ADGRB3: variants seen among roughly 807,000 people sequenced by gnomAD.
ADGRB3 encodes the protein adhesion G protein-coupled receptor B3, also known as brain-specific angiogenesis inhibitor 3.
Under a neutral mutation model 193.4 loss-of-function variants are expected in ADGRB3, and 37 were observed. The ratio of observed to expected loss-of-function variants is 0.19; its 90% confidence interval spans 0.15 to 0.25. ADGRB3 has a LOEUF of 0.25. Among genes scored for constraint, ADGRB3 ranks in the 10% least tolerant of loss-of-function variants. ADGRB3 has a pLI of 1.00. For synonymous variants in ADGRB3, 690 were observed against 644.2 expected, an observed-to-expected ratio of 1.07 and a Z score of -1.08; for missense variants, 1,637 against 1,852.9, an observed-to-expected ratio of 0.88 and a Z score of 2.14.
At chr6:68,905,422 A>C (rs1045120735) in intron 3 of ADGRB3, among the ~76,000 whole-genome samples, 4 of 152,182 alleles carry the variant, frequency 2.6e-5, no homozygotes, top group Non-Finnish European at 5.9e-5. Context: ...TTTATTTTCT[A>C]TCCATCGGGA....
chr6:68,741,700 C>CGGTA (rs1765985840), intron 3 of ADGRB3, among the ~76,000 whole-genome samples: 1 of 152,156 alleles, frequency 6.6e-6, no homozygotes, highest in Non-Finnish European at 1.5e-5. Flanking sequence ...CCTTCTTAAC[C>CGGTA]ACTGTTTGTT....
chr6:68,971,296 T>C (rs1005417661), intron 8 of ADGRB3, among the ~76,000 whole-genome samples: 6 of 152,188 alleles, frequency 3.9e-5, no homozygotes, highest in African/African-American at 1.2e-4. Flanking sequence ...TTATAAATAG[T>C]ATATAGATGA....
intron 3 of ADGRB3, among the ~76,000 whole-genome samples, chr6:68,845,747 A>T (rs1278009426): frequency 6.6e-6 from 1 of 152,164 alleles, no homozygotes; most frequent in African/African-American, 2.4e-5. Context: ...GTGAAACTGT[A>T]AGTCCAATTA....
intron 11 of ADGRB3, among the ~76,000 whole-genome samples, chr6:69,007,223 A>T (rs1050009141): frequency 9.9e-5 from 15 of 152,158 alleles, no homozygotes; most frequent in South Asian, 2.1e-4. Context: ...TCTCTAAACC[A>T]AGCTGCCATC....
At chr6:69,168,216 C>T (rs1350545735) in intron 17 of ADGRB3, among the ~76,000 whole-genome samples, 7 of 152,004 alleles carry the variant, frequency 4.6e-5, no homozygotes, top group African/African-American at 4.8e-5. Flanking sequence ...TCAGTAGAAA[C>T]GTACAGTATA....
At chr6:69,222,969 T>G (rs1561957750) in intron 17 of ADGRB3, among the ~76,000 whole-genome samples, 1 of 152,130 alleles carries the variant, frequency 6.6e-6, no homozygotes, top group Non-Finnish European at 1.5e-5. Context: ...TTGAATGCAG[T>G]TTTTCATATT....
At chr6:69,388,648 T>G (rs762813921) in intron 31 of ADGRB3, 55 bp from the exon 32 acceptor site, 22 of 1,515,288 alleles carry the variant, frequency 1.5e-5, no homozygotes, top group African/African-American at 2.8e-5. Flanking sequence ...AAACTTCAAC[T>G]AGCGGTGATC....
chr6:68,860,794 A>G (rs529857749), intron 3 of ADGRB3, among the ~76,000 whole-genome samples: 148 of 152,238 alleles, frequency 9.7e-4, no homozygotes, highest in African/African-American at 3.3e-3. Flanking sequence ...TGGTAGTTCT[A>G]TTATTCTCTG....
intron 16 of ADGRB3, among the ~76,000 whole-genome samples, chr6:69,067,175 T>C (rs572372874): frequency 2.6e-5 from 4 of 152,224 alleles, no homozygotes; most frequent in East Asian, 3.9e-4. Context: ...TTTTTTCCTC[T>C]GGGCATCAAC....
chr6:69,219,992 T>A (rs192486970), intron 17 of ADGRB3, among the ~76,000 whole-genome samples: 6 of 152,192 alleles, frequency 3.9e-5, no homozygotes, highest in Admixed American at 6.6e-5. Flanking sequence ...TTTTCCATTA[T>A]AAGCCTCATT....
At chr6:69,255,283 A>G (rs1766733147) in intron 20 of ADGRB3, among the ~76,000 whole-genome samples, 1 of 152,158 alleles carries the variant, frequency 6.6e-6, no homozygotes. Flanking sequence ...GAATCGCCAC[A>G]CTGACTTCTA....
At chr6:69,297,370 C>CTCTCTCTCTT (rs1554192071) in intron 20 of ADGRB3, among the ~76,000 whole-genome samples, 6,838 of 101,580 alleles carry the variant, frequency 0.067, 55 homozygotes, top group Admixed American at 0.11. Context: ...CTCTCTCTTT[C>CTCTCTCTCTT]TCTCTCTCTC....
chr6:68,665,643 T>A (rs1768782549), intron 3 of ADGRB3, among the ~76,000 whole-genome samples: 1 of 151,830 alleles, frequency 6.6e-6, no homozygotes, highest in Non-Finnish European at 1.5e-5. Flanking sequence ...ATCATGAACA[T>A]CATCATTGCT....
intron 22 of ADGRB3, among the ~76,000 whole-genome samples, chr6:69,329,892 A>T (rs1482547510): frequency 2.0e-5 from 3 of 152,208 alleles, no homozygotes; most frequent in African/African-American, 4.8e-5. Context: ...CTCTTGGTGA[A>T]TTTAGGCATT....
In ADGRB3 at chr6:69,361,839, T is replaced by C. The variant is rs1032618371; in HGVS notation, c.4239+327T>C. On this transcript the variant is annotated intron_variant, in intron 29 of 31. Coordinates refer to ENST00000370598, the MANE Select transcript of ADGRB3 (RefSeq NM_001704.3). ...TAAAAAATAAAATAAAATAAATAAA[T>C]AAATAAATAACAGGATTCTTCTGAT... is the stretch of plus-strand genomic sequence containing the variant. Among the ~76,000 whole-genome samples the C allele has an allele frequency of 3.3e-5, 5 of 151,816 alleles. No homozygotes were observed. In the East Asian group the frequency reaches 9.7e-4, roughly 29 times the overall value.
chr6:69,198,886 A>G (rs1328152623), intron 17 of ADGRB3, among the ~76,000 whole-genome samples: 1 of 152,160 alleles, frequency 6.6e-6, no homozygotes, highest in Non-Finnish European at 1.5e-5. Context: ...TCTACATCCT[A>G]ATCACACCAT....
At chr6:68,789,808 G>T (rs1034221974) in intron 3 of ADGRB3, among the ~76,000 whole-genome samples, 4 of 152,066 alleles carry the variant, frequency 2.6e-5, no homozygotes, top group African/African-American at 9.7e-5. Flanking sequence ...CATAGATTTG[G>T]TCTTTTCACA....
chr6:68,888,465 A>T (rs1456446785), intron 3 of ADGRB3, among the ~76,000 whole-genome samples: 1 of 151,700 alleles, frequency 6.6e-6, no homozygotes, highest in East Asian at 1.9e-4. Flanking sequence ...GATAAAATTG[A>T]TATTGTGGTC....
chr6:69,221,527 C>T (rs779467), intron 17 of ADGRB3, among the ~76,000 whole-genome samples: 14,844 of 151,924 alleles, frequency 0.098, 827 homozygotes, highest in Non-Finnish European at 0.11. Flanking sequence ...CTTCTGTGAA[C>T]GCTTGTCAAC....
Sources: allele counts gnomAD v4.1 joint callset (sites outside exome capture counted in the v4.1 genomes callset), GRCh38; gene constraint gnomAD v4.1.1; transcripts MANE v1.5; gene names NCBI Gene and HGNC (gene_info 2026-07-23, HGNC 2026-07-21).